SEMA5A: variants seen among roughly 807,000 people sequenced by gnomAD.
SEMA5A encodes semaphorin-5A.
Under a neutral mutation model 135.5 loss-of-function variants are expected in SEMA5A, and 55 were observed. The observed-to-expected ratio is 0.41, with a 90% CI of 0.33 to 0.51. The LOEUF (loss-of-function observed/expected upper bound fraction) is 0.51. SEMA5A is among the 20% of genes least tolerant of loss of function. SEMA5A has a pLI of 0.37. For synonymous variants in SEMA5A, 580 were observed against 546.5 expected (o/e 1.06, Z -0.85); for missense variants, 1,290 against 1,419.9 (o/e 0.91, Z 1.47).
chr5:9,486,922 T>A (rs1324248564), intron 1 of SEMA5A, among the ~76,000 whole-genome samples: 1 of 151,816 alleles, frequency 6.6e-6, no homozygotes, highest in African/African-American at 2.4e-5. Flanking sequence ...TTGTTGTGAT[T>A]TTGAAATTAG....
chr5:9,302,680 A>C (rs1579308721), intron 5 of SEMA5A, among the ~76,000 whole-genome samples: 1 of 152,318 alleles, frequency 6.6e-6, no homozygotes, highest in Non-Finnish European at 1.5e-5. Context: ...ATCTAGACAA[A>C]GATAAACCTT....
intron 3 of SEMA5A, among the ~76,000 whole-genome samples, chr5:9,366,307 C>T (rs1258647288): frequency 6.6e-6 from 1 of 152,024 alleles, no homozygotes; most frequent in Non-Finnish European, 1.5e-5. Flanking sequence ...TGATTTTTTC[C>T]TACTAAATAT....
At chr5:9,443,267 C>G (rs924352043) in intron 1 of SEMA5A, among the ~76,000 whole-genome samples, 1 of 151,318 alleles carries the variant, frequency 6.6e-6, no homozygotes, top group African/African-American at 2.4e-5. Context: ...CCCAGCCACT[C>G]AAGAAAACAA....
At chr5:9,495,296 G>A (rs1255261087) in intron 1 of SEMA5A, among the ~76,000 whole-genome samples, 2 of 152,068 alleles carry the variant, frequency 1.3e-5, no homozygotes, top group Non-Finnish European at 2.9e-5. Context: ...GAATAACAAC[G>A]TCACACAAGA....
intron 2 of SEMA5A, among the ~76,000 whole-genome samples, chr5:9,428,683 G>GC (rs1333811646): frequency 1.3e-5 from 2 of 152,120 alleles, no homozygotes; most frequent in African/African-American, 4.8e-5. Context: ...AAAATGAATG[G>GC]CCCCAGCTGG....
intron 6 of SEMA5A, among the ~76,000 whole-genome samples, chr5:9,237,547 G>T (rs770970499): frequency 6.6e-6 from 1 of 152,014 alleles, no homozygotes; most frequent in African/African-American, 2.4e-5. Context: ...TTTTTCCAGC[G>T]CTATCAATCA....
chr5:9,085,477 T>C (rs1325372451), intron 16 of SEMA5A, among the ~76,000 whole-genome samples: 3 of 152,132 alleles, frequency 2.0e-5, no homozygotes, highest in South Asian at 4.1e-4. Context: ...GGGGCCAACA[T>C]AGAGCTCAGT....
chr5:9,415,193 C>T (rs569436103), intron 2 of SEMA5A, among the ~76,000 whole-genome samples: 38 of 152,326 alleles, frequency 2.5e-4, no homozygotes, highest in African/African-American at 9.1e-4. Context: ...TAAGATGCAG[C>T]TTTCCAGAAA....
intron 3 of SEMA5A, among the ~76,000 whole-genome samples, chr5:9,361,336 A>G (rs978517090): frequency 3.3e-5 from 5 of 152,118 alleles, no homozygotes; most frequent in Non-Finnish European, 5.9e-5. Flanking sequence ...AACAACAACA[A>G]AAACTCAATT....
intron 16 of SEMA5A, among the ~76,000 whole-genome samples, chr5:9,073,885 A>C (rs1489418914): frequency 6.6e-6 from 1 of 152,106 alleles, no homozygotes; most frequent in African/African-American, 2.4e-5. Flanking sequence ...TAAAATACTT[A>C]AGATTAAATC....
intron 2 of SEMA5A, among the ~76,000 whole-genome samples, chr5:9,404,360 T>A (rs1185197995): frequency 6.6e-6 from 1 of 152,208 alleles, no homozygotes; most frequent in Non-Finnish European, 1.5e-5. Context: ...GCCATGAAGT[T>A]AGATTAAGAA....
intron 1 of SEMA5A, among the ~76,000 whole-genome samples, chr5:9,467,891 C>T (rs982785735): frequency 5.9e-5 from 9 of 152,208 alleles, no homozygotes; most frequent in Non-Finnish European, 1.3e-4. Flanking sequence ...TTAGTAATAA[C>T]ACCATTCGGG....
At chr5:9,485,470 G>A (rs566052240) in intron 1 of SEMA5A, among the ~76,000 whole-genome samples, 92 of 152,162 alleles carry the variant, frequency 6.0e-4, no homozygotes, top group Non-Finnish European at 5.4e-4. Context: ...CGAGCTCAGA[G>A]ACAACAAATG....
intron 5 of SEMA5A, among the ~76,000 whole-genome samples, chr5:9,259,140 A>C (rs183939256): frequency 2.6e-5 from 4 of 152,152 alleles, no homozygotes; most frequent in African/African-American, 9.7e-5. Context: ...TTTTACAAAA[A>C]GCCTTTTTAA....
intron 16 of SEMA5A, among the ~76,000 whole-genome samples, chr5:9,085,245 C>A (rs1738614672): frequency 6.6e-6 from 1 of 152,170 alleles, no homozygotes; most frequent in South Asian, 2.1e-4. Context: ...AAGCCAACTG[C>A]AAAAATTTGC....
At chr5:9,066,912 A>G (rs1737505839) in intron 16 of SEMA5A, among the ~76,000 whole-genome samples, 1 of 152,150 alleles carries the variant, frequency 6.6e-6, no homozygotes, top group East Asian at 1.9e-4. Flanking sequence ...TGCTTGTGGG[A>G]AAAAAACCCA....
At chr5:9,305,734 GCACA>G (rs111746284) in intron 5 of SEMA5A, among the ~76,000 whole-genome samples, 74,803 of 141,260 alleles carry the variant, frequency 0.53, 20,597 homozygotes, top group Non-Finnish European at 0.61. Flanking sequence ...ATATTTACAC[GCACA>G]CACACACACA....
intron 3 of SEMA5A, among the ~76,000 whole-genome samples, chr5:9,353,074 GA>G (rs1452054476): frequency 7.8e-5 from 2 of 25,796 alleles, no homozygotes; most frequent in Admixed American, 4.9e-4. Flanking sequence ...GAAAGGAAAG[GA>G]AAGGAAAGGA....
At chr5:9,421,440 C>A (rs1295953340) in intron 2 of SEMA5A, among the ~76,000 whole-genome samples, 1 of 152,182 alleles carries the variant, frequency 6.6e-6, no homozygotes, top group Admixed American at 6.5e-5. Flanking sequence ...TATAAACATT[C>A]ACTATACATG....
Sources: allele counts gnomAD v4.1 joint callset (sites outside exome capture counted in the v4.1 genomes callset), GRCh38; gene constraint gnomAD v4.1.1; transcripts MANE v1.5; gene names NCBI Gene and HGNC (gene_info 2026-07-23, HGNC 2026-07-21).